GRB2: variants seen among roughly 807,000 people sequenced by gnomAD.
GRB2 encodes the protein growth factor receptor bound protein 2.
A neutral mutation model predicts 27.4 loss-of-function variants in GRB2; 2 were observed. The observed-to-expected ratio is 0.07, with a 90% CI of 0.03 to 0.23. The LOEUF (loss-of-function observed/expected upper bound fraction) is 0.23. Among genes scored for constraint, GRB2 ranks in the 10% least tolerant of loss-of-function variants. The pLI, the probability that GRB2 is intolerant of heterozygous loss-of-function variation, is 1.00. For missense variants in GRB2, 102 were observed against 282.4 expected (o/e 0.36, Z 4.58); for synonymous variants, 94 against 99.6 (o/e 0.94, Z 0.33).
At chr17:75,386,800 C>G (rs1453443781) in intron 2 of GRB2, among the ~76,000 whole-genome samples, 1 of 152,202 alleles carries the variant, frequency 6.6e-6, no homozygotes, top group South Asian at 2.1e-4. Flanking sequence ...CAAACTTCAC[C>G]TCTGTCACTT....
At chr17:75,355,937 TCTC>T (rs2078730040) in intron 2 of GRB2, among the ~76,000 whole-genome samples, 1 of 151,426 alleles carries the variant, frequency 6.6e-6, no homozygotes, top group East Asian at 1.9e-4. Context: ...TTCAAGCAAT[TCTC>T]CTGTCTCAGC....
intron 2 of GRB2, chr17:75,339,086 G>T (rs1393604242): frequency 7.3e-7 from 1 of 1,364,290 alleles, no homozygotes; most frequent in African/African-American, 1.4e-5. Flanking sequence ...GCTATTAAAA[G>T]ATGCAAGCAT....
chr17:75,371,993 G>A (rs1433470723), intron 2 of GRB2: 2 of 152,146 alleles, frequency 1.3e-5, no homozygotes, highest in Non-Finnish European at 2.9e-5. Flanking sequence ...AAGATTATTT[G>A]CGTAAAACAC....
chr17:75,391,178 A>G (rs1324991537), intron 2 of GRB2, among the ~76,000 whole-genome samples: 1 of 152,164 alleles, frequency 6.6e-6, no homozygotes, highest in Non-Finnish European at 1.5e-5. Context: ...ATTACCAACA[A>G]ACAGCTAATG....
chr17:75,340,598 G>A lies in GRB2; in HGVS notation c.79-7801C>T, dbSNP rs560675434. The stretch of plus-strand genomic sequence containing the variant: ...GGCCCTGGCTAGGGTAACAGTAATG[G>A]GAGAGCCACTCAAAGTCAGTTCTCT... On this transcript the variant is annotated intron_variant, in intron 2 of 5. Transcript: ENST00000316804. Among the ~76,000 whole-genome samples the A allele has an allele frequency of 1.5e-3, 226 of 152,272 alleles. 2 individuals carry two copies. The South Asian group carries it at 0.019, about 13-fold the overall frequency.
intron 1 of GRB2, among the ~76,000 whole-genome samples, chr17:75,394,641 A>T (rs555718425): frequency 6.6e-6 from 1 of 152,294 alleles, no homozygotes. Context: ...CCTAATCTAC[A>T]CTTGAAAGGA....
chr17:75,337,927 ATTATTATTATTATTATTT>A (rs1423375784), intron 2 of GRB2, among the ~76,000 whole-genome samples: 1 of 142,430 alleles, frequency 7.0e-6, no homozygotes, highest in African/African-American at 2.6e-5. Flanking sequence ...TATTATTATT[ATTATTATTATTATTATTT>A]ATTGAGACAG....
intron 1 of GRB2, among the ~76,000 whole-genome samples, chr17:75,403,919 A>G (rs9896805): frequency 0.91 from 139,137 of 152,194 alleles, 64,024 homozygotes; most frequent in East Asian, 0.97. Context: ...TTCAAGACCA[A>G]CCTGGGCAAC....
intron 2 of GRB2, among the ~76,000 whole-genome samples, chr17:75,358,908 TATATATAA>T (rs1189270438): frequency 8.2e-3 from 540 of 65,542 alleles, no homozygotes; most frequent in African/African-American, 0.015. Flanking sequence ...ATTATATATA[TATATATAA>T]ATATATATAT....
At chr17:75,334,841 A>C (rs968787104) in intron 2 of GRB2, among the ~76,000 whole-genome samples, 6 of 128,480 alleles carry the variant, frequency 4.7e-5, no homozygotes, top group South Asian at 5.3e-4. Flanking sequence ...TGAATGTGTT[A>C]TCTCTCAAAA....
At chr17:75,358,027 G>C (rs1385882232) in intron 2 of GRB2, among the ~76,000 whole-genome samples, 1 of 152,228 alleles carries the variant, frequency 6.6e-6, no homozygotes, top group Non-Finnish European at 1.5e-5. Context: ...GAACCCGGGA[G>C]GTGGAGGTTG....
chr17:75,325,849 G>C (rs774486618), intron 4 of GRB2, 49 bp downstream of exon 4: 3 of 1,601,906 alleles, frequency 1.9e-6, no homozygotes, highest in African/African-American at 1.3e-5. Context: ...TTCACAATTT[G>C]GATCAGTCAG....
chr17:75,391,668 C>T (rs2078999326), intron 2 of GRB2, among the ~76,000 whole-genome samples: 1 of 151,914 alleles, frequency 6.6e-6, no homozygotes, highest in African/African-American at 2.4e-5. Flanking sequence ...ATTAGCCGGG[C>T]GTGGTGGCGG....
intron 4 of GRB2, among the ~76,000 whole-genome samples, chr17:75,324,525 TTTTTTTTTTTGGA>T (rs1320170911): frequency 5.3e-5 from 5 of 94,194 alleles, no homozygotes; most frequent in African/African-American, 1.6e-4. Flanking sequence ...TTTTTTTTTT[TTTTTTTTTTTGGA>T]GACAGAGTTT....
intron 2 of GRB2, among the ~76,000 whole-genome samples, chr17:75,392,116 C>T (rs540755804): frequency 1.1e-4 from 17 of 152,290 alleles, no homozygotes; most frequent in South Asian, 2.1e-4. Flanking sequence ...CATCAAATTA[C>T]CTCTCCCATA....
chr17:75,342,377 A>G (rs2078626947), intron 2 of GRB2, among the ~76,000 whole-genome samples: 1 of 152,128 alleles, frequency 6.6e-6, no homozygotes, highest in Non-Finnish European at 1.5e-5. Flanking sequence ...GTTCTAAGTA[A>G]TACATTTAGT....
chr17:75,323,121 TA>T (rs55801107), intron 4 of GRB2, among the ~76,000 whole-genome samples: 5,466 of 101,256 alleles, frequency 0.054, 142 homozygotes, highest in African/African-American at 0.085. Flanking sequence ...TCCATCTCAT[TA>T]AAAAAAAAAA....
chr17:75,320,175 A>C lies in GRB2; in HGVS notation c.*193T>G, dbSNP rs1264409440. On this transcript the variant is annotated 3_prime_UTR_variant, in exon 6 of 6. Transcript: ENST00000316804. The surrounding 1 kb of genome is among the most constrained non-coding windows in gnomAD (Gnocchi z 4.3). ...TAAAAACTCTTCTTAATTTATAGGT[A>C]AGTTTTGGCATTTTTAAATCCAACG... The C allele has an allele frequency of 1.1e-5, 6 of 529,184 alleles. No individual in the cohort carries two copies. The highest frequency in any genetic ancestry group is 3.0e-5 in the East Asian group (1 of 33,402). 32.8% of individuals were successfully genotyped at this position (529,184 alleles called of 1,614,324 possible).
chr17:75,343,019 C>T (rs1475037699), intron 2 of GRB2, among the ~76,000 whole-genome samples: 3 of 114,396 alleles, frequency 2.6e-5, no homozygotes, highest in African/African-American at 1.0e-4. Flanking sequence ...CATTGCACTC[C>T]GGCCTGGGTG....
Sources: gnomAD v4.1 joint callset for allele counts (sites outside exome capture counted in the v4.1 genomes callset) on GRCh38, gnomAD v4.1.1 for gene constraint, Gnocchi (gnomAD v3.1) non-coding constraint, MANE v1.5 for transcripts, NCBI Gene and HGNC (gene_info 2026-07-23, HGNC 2026-07-21) for gene names.